The following MDN1 variants were observed in gnomAD, a reference collection of about 807,000 sequenced individuals.
The protein encoded by MDN1 is midasin.
In MDN1, 266 loss-of-function variants were observed where a neutral mutation model predicts 669.2. The ratio of observed to expected loss-of-function variants is 0.40; its 90% CI spans 0.36 to 0.44. MDN1 has a LOEUF of 0.44. Among genes scored for constraint, MDN1 ranks in the 20% least tolerant of loss-of-function variants. The pLI is 1.00. For synonymous variants in MDN1, 2,385 were observed against 2,457.1 expected (o/e 0.97, Z 0.87); for missense variants, 5,940 against 6,754.0 (o/e 0.88, Z 4.22).
chr6:89,809,405 C>G (rs1768231230), intron 1 of MDN1, among the ~76,000 whole-genome samples: 1 of 150,916 alleles, frequency 6.6e-6, no homozygotes, highest in African/African-American at 2.4e-5. Context: ...CCAAGGCAGG[C>G]AGATCACTTG....
intron 73 of MDN1, among the ~76,000 whole-genome samples, 191 bp downstream of exon 73, chr6:89,682,931 TCAAAAAAAAG>T (rs1190468253): frequency 2.7e-5 from 4 of 147,126 alleles, no homozygotes; most frequent in Non-Finnish European, 6.0e-5. Flanking sequence ...AGAATCTGTC[TCAAAAAAAAG>T]CAAAAAAAAA....
chr6:89,718,767 C>T lies in MDN1; in HGVS notation c.6321G>A (p.Gln2107=). 1 of 1,613,084 alleles carries T rather than the reference C, an allele frequency of 6.2e-7. No individual in the cohort carries two copies. Among genetic ancestry groups the T allele is most frequent in the Non-Finnish European group, 8.5e-7 (1 of 1,179,138 alleles). ...DTTELLGGFE[Q]VDLIRPWRRL... The stretch of plus-strand genomic sequence containing the variant: ...GAAAATATGAAGGCAGACTGGTTAC[C>T]TGCTCAAATCCACCCAGCAGCTCAG... Residue 2107 remains glutamine (Q), a splice_region_variant and synonymous_variant, in exon 42 of 102, where the codon CAG becomes CAA. Coordinates refer to ENST00000369393, the MANE Select transcript of MDN1 (RefSeq NM_014611.3).
At chr6:89,680,556 A>G in intron 74 of MDN1, 33 bp downstream of exon 74, 1 of 1,600,728 alleles carries the variant, frequency 6.2e-7, no homozygotes, top group Non-Finnish European at 8.5e-7. Context: ...GAAAACAGAA[A>G]GATCCACCCT....
In MDN1 at chr6:89,687,282, A is replaced by C. The variant is rs1812079439; in HGVS notation, c.11450+62T>G. ...ACTATATAAATCCTAAAGAAATTTAAACTACCAAAAGACAAAAGCCCTTAC... is the reference window on the plus strand; with the variant it reads ...ACTATATAAATCCTAAAGAAATTTACACTACCAAAAGACAAAAGCCCTTAC... On this transcript the variant is annotated intron_variant, in intron 68 of 101. Transcript: ENST00000369393. The C allele has an allele frequency of 4.1e-6, 6 of 1,455,754 alleles. No homozygotes were observed. In the South Asian group the frequency reaches 7.3e-5, roughly 18 times the overall value. The allele number at this position is 1,455,754 out of a possible 1,614,324, so 90.2% of individuals were successfully genotyped here. A position where few individuals can be genotyped will look rare whatever the true frequency, so the allele number is the denominator to read the frequency against.
chr6:89,801,672 C>A (rs1444018645), intron 2 of MDN1, among the ~76,000 whole-genome samples: 8 of 148,410 alleles, frequency 5.4e-5, no homozygotes, highest in South Asian at 2.1e-4. Flanking sequence ...AAACAAAACA[C>A]AACACAAAAA....
intron 29 of MDN1, 73 bp downstream of exon 29, chr6:89,745,200 T>C (rs1816541056): frequency 6.6e-7 from 1 of 1,526,020 alleles, no homozygotes; most frequent in Non-Finnish European, 8.8e-7. Flanking sequence ...CTTTCATGAG[T>C]TCTTCAGTGA....
chr6:89,819,287 G>A (rs1200691796), intron 1 of MDN1, among the ~76,000 whole-genome samples: 1 of 152,150 alleles, frequency 6.6e-6, no homozygotes, highest in East Asian at 1.9e-4. Context: ...GAAGGGTACT[G>A]GAAGGCTCCC....
At chr6:89,801,269 A>T (rs935722063) in intron 2 of MDN1, among the ~76,000 whole-genome samples, 7 of 152,214 alleles carry the variant, frequency 4.6e-5, no homozygotes, top group Non-Finnish European at 8.8e-5. Context: ...CACGCCTGTA[A>T]TCCCAGCACT....
intron 13 of MDN1, among the ~76,000 whole-genome samples, chr6:89,774,356 C>T (rs759723413): frequency 2.6e-5 from 4 of 152,232 alleles, no homozygotes; most frequent in Admixed American, 6.5e-5. Flanking sequence ...CTGAGGCATA[C>T]TTCACTAAAT....
At position 89,662,879 on chromosome 6, in the gene MDN1, A is replaced by G; in HGVS notation, c.14325T>C (p.Asp4775=). 1.2e-6 allele frequency: 2 copies of G among 1,612,996 alleles called. No individual in the cohort carries two copies. The highest frequency in any genetic ancestry group is 8.5e-7 in the Non-Finnish European group (1 of 1,179,488). Residue 4775 remains aspartate, a synonymous_variant, in exon 86 of 102, where the codon GAT becomes GAC. Transcript: ENST00000369393. ...CATCATCATCACCCCAAAGCCTCTCATCTAGTTTGTCAGCTTCCTCACCAT... is the reference window on the plus strand; with the variant it reads ...CATCATCATCACCCCAAAGCCTCTCGTCTAGTTTGTCAGCTTCCTCACCAT... ...DLNGEEADKL[D]ERLWGDDDEE... is the part of the protein sequence containing the mutation.
chr6:89,789,207 T>C (rs1230763959), intron 7 of MDN1, among the ~76,000 whole-genome samples: 1 of 152,212 alleles, frequency 6.6e-6, no homozygotes, highest in East Asian at 1.9e-4. Flanking sequence ...CTGCAATACA[T>C]TTTTTGTCAC....
At chr6:89,725,753 T>TTG (rs1815180506) in intron 37 of MDN1, among the ~76,000 whole-genome samples, 1 of 151,082 alleles carries the variant, frequency 6.6e-6, no homozygotes, top group Non-Finnish European at 1.5e-5. Context: ...TTTTTTTTTT[T>TTG]TTTGGTAGAG....
Position 89,750,429 on chromosome 6 carries a change from G to T in MDN1, c.3331C>A (p.His1111Asn), listed in dbSNP as rs1816880217. The change falls in exon 24 of 102, where the codon CAC (histidine) becomes AAC (asparagine). Residue 1111 changes from histidine to asparagine, a missense_variant. Physicochemically the swap from His to Asn is moderately conservative, Grantham distance 68 (BLOSUM62 1). Transcript: ENST00000369393. ...TACTCCTGAATATCCGTGTGTTCGT[G>T]ATTATTAATACGCACACAGTGGTTG... ...TGNHCVRINN[H>N]EHTDIQEYIG... is the part of the protein sequence containing the mutation. 1.2e-6 allele frequency: 2 copies of T among 1,613,820 alleles called. No homozygotes were observed. Among genetic ancestry groups the T allele is most frequent in the South Asian group, 1.1e-5 (1 of 91,080 alleles).
intron 26 of MDN1, among the ~76,000 whole-genome samples, chr6:89,748,863 C>G (rs1816805168): frequency 6.6e-6 from 1 of 150,646 alleles, no homozygotes; most frequent in African/African-American, 2.5e-5. Flanking sequence ...AGTTCGAGAC[C>G]AGCCGGGGCA....
chr6:89,801,242 A>C (rs1767637369), intron 2 of MDN1, among the ~76,000 whole-genome samples: 1 of 152,130 alleles, frequency 6.6e-6, no homozygotes, highest in African/African-American at 2.4e-5. Flanking sequence ...CTAAAAGTAC[A>C]AAAACTAGGC....
At chr6:89,661,349 C>T (rs1418312185) in intron 88 of MDN1, 82 bp downstream of exon 88, 1 of 1,488,296 alleles carries the variant, frequency 6.7e-7, no homozygotes, top group Non-Finnish European at 9.1e-7. Context: ...GGCCATGACA[C>T]TGAGCTAGCT....
intron 33 of MDN1, among the ~76,000 whole-genome samples, chr6:89,734,360 C>T (rs1023889049): frequency 5.3e-5 from 8 of 151,768 alleles, no homozygotes; most frequent in Admixed American, 2.0e-4. Context: ...AATTTTAAAC[C>T]TCTGCTAAAC....
chr6:89,712,953 T>TAAA (rs5878107), intron 47 of MDN1, among the ~76,000 whole-genome samples, 167 bp from the exon 48 acceptor site: 2 of 146,470 alleles, frequency 1.4e-5, no homozygotes, highest in Middle Eastern at 3.2e-3. Flanking sequence ...CATGTAAGTT[T>TAAA]AAAAAAAAAA....
chr6:89,691,388 T>C (rs1283771016), intron 63 of MDN1, among the ~76,000 whole-genome samples: 1 of 152,150 alleles, frequency 6.6e-6, no homozygotes. Flanking sequence ...ACTGCTGAGG[T>C]TGAGGAAATA....
Sources: allele counts gnomAD v4.1 joint callset (sites outside exome capture counted in the v4.1 genomes callset), GRCh38; gene constraint gnomAD v4.1.1; transcripts MANE v1.5; gene names NCBI Gene and HGNC (gene_info 2026-07-23, HGNC 2026-07-21).